CFAP20DC: variants seen among roughly 807,000 people sequenced by gnomAD.
CFAP20DC encodes protein CFAP20DC.
Under a neutral mutation model 101.7 loss-of-function variants are expected in CFAP20DC, and 84 were observed. That is an observed-to-expected ratio of 0.83 (90% CI 0.69 to 0.99). The LOEUF (loss-of-function observed/expected upper bound fraction) is 0.99. Ranked by LOEUF, CFAP20DC falls within the 50% of genes least tolerant of loss-of-function variation. CFAP20DC has a pLI of 0.00. For synonymous variants in CFAP20DC, 359 were observed against 351.2 expected (o/e 1.02, Z -0.25); for missense variants, 1,007 against 970.3 (o/e 1.04, Z -0.50).
At position 58,913,561 on chromosome 3, in the gene CFAP20DC, A is replaced by G; in HGVS notation, c.550+147T>C. 1 of 748,218 alleles carries G rather than the reference A, an allele frequency of 1.3e-6. No individual in the cohort carries two copies. The highest frequency in any genetic ancestry group is 2.3e-6 in the Non-Finnish European group (1 of 435,826). The allele number at this position is 748,218 out of a possible 1,614,324, so 46.3% of individuals were successfully genotyped here. A position where few individuals can be genotyped will look rare whatever the true frequency, so the allele number is the denominator to read the frequency against. On this transcript the variant is annotated intron_variant, in intron 6 of 16. Transcript: ENST00000482387. This position sits in a 1 kb window ranked among gnomAD's most constrained non-coding sequence, Gnocchi z 4.4. ...AGTAAAAATAAACATTTGATCTAGA[A>G]CAAAGAAATCAGCATGACTGTTGAC...
intron 14 of CFAP20DC, among the ~76,000 whole-genome samples, chr3:58,824,279 GA>G (rs1198794612): frequency 2.0e-5 from 3 of 152,134 alleles, no homozygotes; most frequent in Admixed American, 6.6e-5. Flanking sequence ...TAAGGAGTCT[GA>G]AATGCCAATA....
chr3:58,918,334 A>C (rs995540445), intron 5 of CFAP20DC, among the ~76,000 whole-genome samples: 3 of 152,114 alleles, frequency 2.0e-5, no homozygotes. Context: ...CTACCCTTTT[A>C]GCTTCATCAA....
intron 3 of CFAP20DC, among the ~76,000 whole-genome samples, chr3:58,733,532 C>A (rs1331971360): frequency 2.0e-5 from 3 of 152,174 alleles, no homozygotes; most frequent in Non-Finnish European, 4.4e-5. Flanking sequence ...CTTTAACATA[C>A]ATGAGCTGCT....
chr3:58,816,188 T>G (rs370649080), intron 14 of CFAP20DC, among the ~76,000 whole-genome samples: 1 of 151,892 alleles, frequency 6.6e-6, no homozygotes, highest in Non-Finnish European at 1.5e-5. Flanking sequence ...CCATAAAAAA[T>G]GATGAGTTCA....
chr3:59,012,531 G>C (rs1355539683), intron 4 of CFAP20DC, among the ~76,000 whole-genome samples: 1 of 152,174 alleles, frequency 6.6e-6, no homozygotes, highest in African/African-American at 2.4e-5. Context: ...AGAAAGAAAG[G>C]AGTGAAGACT....
At chr3:58,887,553 C>T (rs1290443522) in intron 6 of CFAP20DC, 2 of 152,156 alleles carry the variant, frequency 1.3e-5, no homozygotes, top group African/African-American at 2.4e-5. Flanking sequence ...TTACAACTAA[C>T]AAGAGACAGA....
At chr3:58,745,830 C>G (rs573719264) in intron 16 of CFAP20DC, among the ~76,000 whole-genome samples, 1 of 152,294 alleles carries the variant, frequency 6.6e-6, no homozygotes, top group South Asian at 2.1e-4. Flanking sequence ...AATCCCATTT[C>G]TACCATATCA....
rs751171110 is a variant in CFAP20DC, at chr3:58,832,997, AG to A, written c.1972-1109del. Among the ~76,000 whole-genome samples, 14 of 152,224 alleles carry A rather than the reference AG, an allele frequency of 9.2e-5. No homozygotes were observed. The East Asian group carries it at 2.3e-3, about 25-fold the overall frequency. ...TAAGGATTTTTTTCCAAGACACCTT[AG>A]AATTTTTTAGATGTTTATATCTCTA... is the stretch of plus-strand genomic sequence containing the variant. On this transcript the variant is annotated intron_variant, in intron 13 of 16. Coordinates refer to ENST00000482387, the MANE Select transcript of CFAP20DC (RefSeq NM_001394063.1).
At chr3:58,739,300 TAA>T (rs1180445734), downstream of CFAP20DC, among the ~76,000 whole-genome samples, 1 of 152,194 alleles carries the variant, frequency 6.6e-6, no homozygotes, top group African/African-American at 2.4e-5. Flanking sequence ...ATTGATGACT[TAA>T]AAGTCACTTG....
At chr3:59,032,696 A>AGTC (rs1001855784) in intron 4 of CFAP20DC, among the ~76,000 whole-genome samples, 2 of 152,222 alleles carry the variant, frequency 1.3e-5, no homozygotes, top group Non-Finnish European at 2.9e-5. Context: ...CAGCAGCCCC[A>AGTC]GTCAGGCACT....
In CFAP20DC at chr3:58,899,657, C is replaced by T. The variant is rs757463317; in HGVS notation, c.550+14051G>A. Among the ~76,000 whole-genome samples, 6 of 152,132 alleles carry T rather than the reference C, an allele frequency of 3.9e-5. No individual in the cohort carries two copies. The highest frequency in any genetic ancestry group is 6.5e-5 in the Admixed American group (1 of 15,270). Reference sequence around the variant, plus strand: ...TCCTAATCTGCTGGTTGCAAAGATCCGTGGGAGGGGTGTGGTTTCCTGGGC... The same window carrying T: ...TCCTAATCTGCTGGTTGCAAAGATCTGTGGGAGGGGTGTGGTTTCCTGGGC... On this transcript the variant is annotated intron_variant, in intron 6 of 16. Coordinates refer to ENST00000482387, the MANE Select transcript of CFAP20DC (RefSeq NM_001394063.1). This position sits in a 1 kb window ranked among gnomAD's most constrained non-coding sequence, Gnocchi z 5.0.
chr3:58,884,427 T>C, intron 7 of CFAP20DC, 118 bp downstream of exon 7: 2 of 896,934 alleles, frequency 2.2e-6, no homozygotes, highest in Non-Finnish European at 3.5e-6. Context: ...GCAAGTATAC[T>C]CTGTTAAGTG....
Position 58,964,323 on chromosome 3 carries a change from G to A in CFAP20DC, c.279-26561C>T, listed in dbSNP as rs183936582. On this transcript the variant is annotated intron_variant, in intron 4 of 16. Transcript: ENST00000482387. This position sits in a 1 kb window ranked among gnomAD's most constrained non-coding sequence, Gnocchi z 4.1. Reference sequence around the variant, plus strand: ...TCCTGAAAAGACCTTTTGAGGTACAGGGCCTAACTGTAATACATTTGAATG... The same window carrying A: ...TCCTGAAAAGACCTTTTGAGGTACAAGGCCTAACTGTAATACATTTGAATG... 5.1e-4 allele frequency among the ~76,000 whole-genome samples: 77 copies of A among 152,320 alleles called. 1 individual carries two copies. The highest frequency in any genetic ancestry group is 1.8e-3 in the African/African-American group (76 of 41,584).
At chr3:58,815,159 G>C (rs1184146997) in intron 14 of CFAP20DC, among the ~76,000 whole-genome samples, 4 of 151,430 alleles carry the variant, frequency 2.6e-5, no homozygotes, top group African/African-American at 9.7e-5. Context: ...CCAAAACAGA[G>C]ATATAGATCA....
chr3:59,030,077 C>G (rs1311341579), intron 4 of CFAP20DC, among the ~76,000 whole-genome samples: 1 of 152,284 alleles, frequency 6.6e-6, no homozygotes, highest in East Asian at 1.9e-4. Context: ...ATGAAAACTT[C>G]TTGATGTATA....
intron 4 of CFAP20DC, among the ~76,000 whole-genome samples, chr3:59,013,749 G>A (rs569736216): frequency 2.0e-5 from 3 of 152,118 alleles, no homozygotes; most frequent in African/African-American, 4.8e-5. Flanking sequence ...TTGCAAAGAG[G>A]TAACAAAATT....
intron 3 of CFAP20DC, chr3:58,726,814 C>T (rs2067558856): frequency 4.0e-6 from 1 of 251,912 alleles, no homozygotes; most frequent in South Asian, 3.4e-5. Flanking sequence ...ATCACTTCCA[C>T]TCACGCCATC....
chr3:58,900,016 T>A (rs2083007767), intron 6 of CFAP20DC, among the ~76,000 whole-genome samples: 1 of 152,130 alleles, frequency 6.6e-6, no homozygotes, highest in African/African-American at 2.4e-5. Flanking sequence ...AATGGGAGAA[T>A]CTAATAGCAT....
chr3:59,014,640 G>C lies in CFAP20DC; in HGVS notation c.278+24917C>G, dbSNP rs2093652781. ...TATCTCAATGGCTGTCAAAAAATGA[G>C]TCTGTTAAGGAGTTAACAGACATCT... is the stretch of plus-strand genomic sequence containing the variant. On this transcript the variant is annotated intron_variant, in intron 4 of 16. Coordinates refer to ENST00000482387, the MANE Select transcript of CFAP20DC (RefSeq NM_001394063.1). This position sits in a 1 kb window ranked among gnomAD's most constrained non-coding sequence, Gnocchi z 4.9. Among the ~76,000 whole-genome samples, 1 of 152,144 alleles carries C rather than the reference G, an allele frequency of 6.6e-6. No individual in the cohort carries two copies. The highest frequency in any genetic ancestry group is 2.1e-4 in the South Asian group (1 of 4,830).
Sources: allele counts gnomAD v4.1 joint callset (sites outside exome capture counted in the v4.1 genomes callset), GRCh38; gene constraint gnomAD v4.1.1; non-coding constraint Gnocchi (gnomAD v3.1); transcripts MANE v1.5; gene names NCBI Gene and HGNC (gene_info 2026-07-23, HGNC 2026-07-21).